PDXDC1: variants seen among roughly 807,000 people sequenced by gnomAD.
The protein encoded by PDXDC1 is pyridoxal dependent decarboxylase domain containing 1.
Under a neutral mutation model 100.1 loss-of-function variants are expected in PDXDC1, and 42 were observed. That is an observed-to-expected ratio of 0.42 (90% confidence interval 0.33 to 0.54). PDXDC1 has a LOEUF of 0.54. PDXDC1 is among the 20% of genes least tolerant of loss of function. PDXDC1 has a pLI of 0.10. For missense variants in PDXDC1, 636 were observed against 979.2 expected (o/e 0.65, Z 4.68); for synonymous variants, 260 against 371.7 (o/e 0.70, Z 3.46).
intron 8 of PDXDC1, among the ~76,000 whole-genome samples, chr16:15,013,505 G>T (rs537283804): frequency 2.6e-3 from 391 of 152,138 alleles, no homozygotes; most frequent in Non-Finnish European, 4.4e-3. Context: ...TGATTGTGTT[G>T]ATGGTTACAT....
At chr16:15,047,857 G>T in intron 16 of PDXDC1, 1 of 1,610,452 alleles carries the variant, frequency 6.2e-7, no homozygotes, top group Non-Finnish European at 8.5e-7. Context: ...CATCATACCT[G>T]TGTGCCTCAG....
chr16:15,081,153 A>G (rs2045688043), intron 16 of PDXDC1, among the ~76,000 whole-genome samples: 1 of 152,182 alleles, frequency 6.6e-6, no homozygotes, highest in Non-Finnish European at 1.5e-5. Context: ...ACTTGAGGCT[A>G]TTATGGATGA....
intron 16 of PDXDC1, among the ~76,000 whole-genome samples, chr16:15,095,782 A>G (rs1458429842): frequency 1.3e-5 from 2 of 151,884 alleles, no homozygotes; most frequent in East Asian, 3.9e-4. Context: ...CCCAGGAGGC[A>G]GAGGTTGCAG....
At chr16:15,027,479 G>A (rs1017459448) in intron 14 of PDXDC1, among the ~76,000 whole-genome samples, 3 of 152,282 alleles carry the variant, frequency 2.0e-5, no homozygotes, top group African/African-American at 7.2e-5. Context: ...AGGACAGAGG[G>A]ATTAATGTAT....
At chr16:15,011,631 CTTTT>C in intron 8 of PDXDC1, among the ~76,000 whole-genome samples, 4 of 131,276 alleles carry the variant, frequency 3.0e-5, no homozygotes, top group Non-Finnish European at 4.9e-5. Context: ...ACATTTTTTT[CTTTT>C]TTTTTTTTTT....
At chr16:15,128,479 G>A (rs1049837907) in intron 16 of PDXDC1, 16 of 749,810 alleles carry the variant, frequency 2.1e-5, no homozygotes, top group Admixed American at 8.2e-5. Flanking sequence ...TGGCCTCCGC[G>A]CACTCAAGGA....
At chr16:15,111,601 T>C (rs1157919314) in intron 16 of PDXDC1, among the ~76,000 whole-genome samples, 4 of 143,894 alleles carry the variant, frequency 2.8e-5, no homozygotes, top group African/African-American at 7.6e-5. Context: ...CTACTAAAAA[T>C]ACAAAAATTA....
chr16:15,132,631 C>T (rs2048160915), intron 16 of PDXDC1: 2 of 776,884 alleles, frequency 2.6e-6, no homozygotes, highest in African/African-American at 1.7e-5. Flanking sequence ...AGGCTCAGCT[C>T]CTCGGCCAAG....
downstream of PDXDC1, among the ~76,000 whole-genome samples, chr16:15,042,718 CTATTTATT>C (rs58123477): frequency 4.1e-5 from 6 of 147,004 alleles, no homozygotes; most frequent in Admixed American, 1.4e-4. Context: ...AAAGGATGAA[CTATTTATT>C]TATTTATTTA....
intron 22 of PDXDC1, 93 bp downstream of exon 22, chr16:15,035,646 C>G (rs2043380467): frequency 1.4e-6 from 1 of 689,854 alleles, no homozygotes; most frequent in Non-Finnish European, 2.4e-6. Context: ...CTCCAGAGGT[C>G]TATTTCTCTT....
At chr16:15,071,782 CAAAAAACAACAAAA>C (rs1027538948) in intron 16 of PDXDC1, among the ~76,000 whole-genome samples, 5 of 151,986 alleles carry the variant, frequency 3.3e-5, no homozygotes, top group Admixed American at 2.6e-4. Flanking sequence ...AACAAACAAA[CAAAAAACAACAAAA>C]AATTCAACCT....
At chr16:15,127,450 G>A (rs756735883) in intron 16 of PDXDC1, 26 of 1,540,158 alleles carry the variant, frequency 1.7e-5, no homozygotes, top group African/African-American at 1.4e-4. Context: ...AGTACTCCCC[G>A]GTCCCCAGCC....
Position 15,036,880 on chromosome 16 carries a change from T to G in PDXDC1, c.*605T>G, listed in dbSNP as rs1238619276. On this transcript the variant is annotated 3_prime_UTR_variant, in exon 23 of 23. Coordinates refer to ENST00000396410, the MANE Select transcript of PDXDC1 (RefSeq NM_015027.4). ...CTGTGGCAAGGCTGCTGTCTGGGAC[T>G]GTCCTCTGCCACAAGGCCATTTCTC... is the stretch of plus-strand genomic sequence containing the variant. 6.5e-6 allele frequency: 1 copy of G among 154,178 alleles called. No individual in the cohort carries two copies. Among genetic ancestry groups the G allele is most frequent in the East Asian group, 1.9e-4 (1 of 5,218 alleles). The allele number at this position is 154,178 out of a possible 1,614,324, so 9.6% of individuals were successfully genotyped here.
In PDXDC1 at chr16:15,086,467, A is replaced by G. The variant is rs767608043; in HGVS notation, c.1400-52412A>G. 5.0e-6 allele frequency: 8 copies of G among 1,610,378 alleles called. No homozygotes were observed. The South Asian group carries it at 7.7e-5, about 16-fold the overall frequency. ...TGATCTGGTCATCCTTAAGTTAAAC[A>G]AAGAGTACTTTCAAAATCACAAATC... is the stretch of plus-strand genomic sequence containing the variant. On this transcript the variant is annotated intron_variant, in intron 16 of 16. Transcript: ENST00000535621.
At chr16:15,128,968 C>T (rs1275932882) in intron 16 of PDXDC1, among the ~76,000 whole-genome samples, 1 of 150,124 alleles carries the variant, frequency 6.7e-6, no homozygotes, top group African/African-American at 2.4e-5. Context: ...AACACGCCGG[C>T]CTAATTTTTT....
intron 16 of PDXDC1, chr16:15,044,877 T>C (rs533545332): frequency 6.5e-6 from 1 of 154,052 alleles, no homozygotes; most frequent in African/African-American, 2.4e-5. Context: ...TCCCAGCACT[T>C]TGGGAGGCTG....
At chr16:15,043,673 G>C (rs1031165381) in intron 16 of PDXDC1, among the ~76,000 whole-genome samples, 10 of 152,312 alleles carry the variant, frequency 6.6e-5, no homozygotes, top group Admixed American at 2.0e-4. Context: ...ATTTAGGCCA[G>C]GTGTGGTGAC....
intron 16 of PDXDC1, among the ~76,000 whole-genome samples, chr16:15,077,771 G>A (rs1307351120): frequency 1.3e-5 from 2 of 152,232 alleles, no homozygotes. Context: ...AACCCCGGAG[G>A]TGGAGGTTGC....
rs547423688 is a variant in PDXDC1 at position 15,037,827 on chromosome 16, TA to T, written c.*1555del. On this transcript the variant is annotated 3_prime_UTR_variant, in exon 23 of 23. Coordinates refer to ENST00000396410, the MANE Select transcript of PDXDC1 (RefSeq NM_015027.4). Reference sequence around the variant, plus strand: ...AAAAAACTGGACATCAATTTTTTAGTAAACCAAAAAATAAGTCTCAACAAAT... The same window carrying T: ...AAAAAACTGGACATCAATTTTTTAGTAACCAAAAAATAAGTCTCAACAAAT... 295 of 475,928 alleles carry T rather than the reference TA, an allele frequency of 6.2e-4. 1 individual carries two copies. The highest frequency in any genetic ancestry group is 5.2e-3 in the African/African-American group (268 of 51,314). 29.5% of individuals were successfully genotyped at this position (475,928 alleles called of 1,614,324 possible).
Sources: allele counts gnomAD v4.1 joint callset (sites outside exome capture counted in the v4.1 genomes callset), GRCh38; gene constraint gnomAD v4.1.1; transcripts MANE v1.5; gene names NCBI Gene and HGNC (gene_info 2026-07-23, HGNC 2026-07-21).